Variants in MYO1C observed in about 807,000 individuals in gnomAD.
MYO1C encodes unconventional myosin-Ic.
Under a neutral mutation model 150.8 loss-of-function variants are expected in MYO1C, and 104 were observed. The observed-to-expected ratio is 0.69, with a 90% confidence interval of 0.59 to 0.81. The LOEUF (loss-of-function observed/expected upper bound fraction) is 0.81, where lower values mean the gene tolerates loss of function less well. Ranked by LOEUF, MYO1C falls within the 30% of genes least tolerant of loss-of-function variation. The probability of loss-of-function intolerance (pLI) is 0.00; values close to 1 mark genes in which losing one functional copy is unlikely to be tolerated. For synonymous variants in MYO1C, 663 were observed against 579.9 expected, an observed-to-expected ratio of 1.14 and a Z score of -2.06; for missense variants, 1,504 against 1,435.0, an observed-to-expected ratio of 1.05 and a Z score of -0.78.
At position 1,469,589 on chromosome 17, in the gene MYO1C, CA is replaced by C; in HGVS notation, c.2551del (p.Cys851AlafsTer2). On this transcript the variant is annotated frameshift_variant, in exon 25 of 32. Coordinates refer to ENST00000648651, the MANE Select transcript of MYO1C (RefSeq NM_001080779.2). LOFTEE classifies it high-confidence loss of function. Reference sequence around the variant, plus strand: ...GTATTTCCACACCATGTTCTTTATGCACAACTCCCGCAGAAGCTCTGAGGCC... The same window carrying C: ...GTATTTCCACACCATGTTCTTTATGCCAACTCCCGCAGAAGCTCTGAGGCC... ...REASELLREL[C>X]IKNMVWKYCR... 6.2e-7 allele frequency: 1 copy of C among 1,613,068 alleles called. No homozygotes were observed. Among genetic ancestry groups the C allele is most frequent in the Non-Finnish European group, 8.5e-7 (1 of 1,179,638 alleles).
intron 19 of MYO1C, among the ~76,000 whole-genome samples, 192 bp downstream of exon 19, chr17:1,471,715 G>A (rs2074306941): frequency 6.6e-6 from 1 of 152,154 alleles, no homozygotes; most frequent in South Asian, 2.1e-4. Context: ...CACGGCCTGG[G>A]GGAGCCGGGT....
intron 17 of MYO1C, among the ~76,000 whole-genome samples, chr17:1,472,800 AAGG>A (rs771896923): frequency 5.9e-5 from 9 of 152,118 alleles, no homozygotes; most frequent in Admixed American, 3.9e-4. Context: ...TTTAAAGGAT[AAGG>A]AGGAGGGGCG....
Position 1,467,585 on chromosome 17 carries a change from G to C in MYO1C, c.2968-8C>G. ...CTGCAGCACCACATCTCCCTGGGGG[G>C]CCAGGCAGGAGGAGGGGTCAGGCCC... is the stretch of plus-strand genomic sequence containing the variant. On this transcript the variant is annotated splice_region_variant and splice_polypyrimidine_tract_variant and intron_variant, in intron 29 of 31. Transcript: ENST00000648651. 1 of 1,612,162 alleles carries C rather than the reference G, an allele frequency of 6.2e-7. No individual in the cohort carries two copies. The highest frequency in any genetic ancestry group is 8.5e-7 in the Non-Finnish European group (1 of 1,179,796).
At chr17:1,474,070 C>T (rs1343498319) in intron 17 of MYO1C, among the ~76,000 whole-genome samples, 4 of 152,036 alleles carry the variant, frequency 2.6e-5, no homozygotes, top group Non-Finnish European at 4.4e-5. Context: ...CAAGGATTCC[C>T]CTACAGACAC....
At chr17:1,474,774 T>TCCCCAC in intron 16 of MYO1C, 38 bp downstream of exon 16, 1 of 1,597,382 alleles carries the variant, frequency 6.3e-7, no homozygotes, top group Non-Finnish European at 8.6e-7. Context: ...CTGTGGGCTA[T>TCCCCAC]CCCCACCCCC....
rs2001788 is a variant in MYO1C at position 1,480,380 on chromosome 17, G to A, written c.906+147C>T. 229 of 710,902 alleles carry A rather than the reference G, an allele frequency of 3.2e-4. No individual in the cohort carries two copies. In the East Asian group the frequency reaches 5.1e-3, roughly 16 times the overall value. 44.0% of individuals were successfully genotyped at this position (710,902 alleles called of 1,614,324 possible). ...GGAGAATTGCTTGAACCCAGGAGGC[G>A]GAGGTTGCAGTGAGCTGAGATTGCA... On this transcript the variant is annotated intron_variant, in intron 7 of 31. Coordinates refer to ENST00000648651, the MANE Select transcript of MYO1C (RefSeq NM_001080779.2).
chr17:1,478,592 G>C lies in MYO1C; in HGVS notation c.1212+24C>G. 6.2e-7 allele frequency: 1 copy of C among 1,613,952 alleles called. No individual in the cohort carries two copies. Among genetic ancestry groups the C allele is most frequent in the Middle Eastern group, 1.6e-4 (1 of 6,062 alleles). ...CCGACGGCCCTCCCTTCTGCCTTGG[G>C]AGCAGTGTGGACCGAGCCCTCACCT... On this transcript the variant is annotated intron_variant, in intron 10 of 31. Coordinates refer to ENST00000648651, the MANE Select transcript of MYO1C (RefSeq NM_001080779.2). The surrounding 1 kb of genome is among the most constrained non-coding windows in gnomAD (Gnocchi z 6.3).
chr17:1,471,842 A>G (rs1238511831), intron 19 of MYO1C, 65 bp downstream of exon 19: 31 of 1,531,488 alleles, frequency 2.0e-5, no homozygotes. Context: ...GTCTGCCCTC[A>G]TGGGACCTAG....
At chr17:1,473,201 A>G (rs187418876) in intron 17 of MYO1C, among the ~76,000 whole-genome samples, 41 of 150,924 alleles carry the variant, frequency 2.7e-4, no homozygotes, top group African/African-American at 9.6e-4. Flanking sequence ...CTCCGTCTCA[A>G]AAACAAAAAC....
intron 1 of MYO1C, chr17:1,491,726 C>G (rs963370299): frequency 3.6e-6 from 3 of 841,690 alleles, no homozygotes; most frequent in Non-Finnish European, 4.3e-6. Flanking sequence ...GTCGTCATCC[C>G]GGGCAGGGCC....
chr17:1,475,069 G>A (rs368697108), intron 14 of MYO1C, 37 bp from the exon 15 acceptor site: 170 of 1,544,642 alleles, frequency 1.1e-4, no homozygotes, highest in Middle Eastern at 2.1e-4. Flanking sequence ...GATGGCTGCC[G>A]GCCTGAGCCA....
In MYO1C at chr17:1,477,938, T is replaced by C. The variant is rs1347716261; in HGVS notation, c.1435A>G (p.Ile479Val). 1 of 1,614,124 alleles carries C rather than the reference T, an allele frequency of 6.2e-7. No individual in the cohort carries two copies. The highest frequency in any genetic ancestry group is 1.1e-5 in the South Asian group (1 of 91,086). ...EPVQYFNNKIICDLVEEKFKG... is the reference protein window; with the variant it reads ...EPVQYFNNKIVCDLVEEKFKG... ...AACTTCTCCTCCACCAGATCACAGA[T>C]GATTTTGTTGTTGAAATACTGGACG... Residue 479 changes from isoleucine (I) to valine (V), a missense_variant, in exon 13 of 32, where the codon ATC becomes GTC. Physicochemically the swap from Ile to Val is conservative, Grantham distance 29. Transcript: ENST00000648651.
At position 1,471,887 on chromosome 17, in the gene MYO1C, C is replaced by T. The variant is rs554006483; in HGVS notation, c.2021+20G>A. 87 of 1,611,510 alleles carry T rather than the reference C, an allele frequency of 5.4e-5. No homozygotes were observed. The East Asian group carries it at 1.2e-3, about 22-fold the overall frequency. On this transcript the variant is annotated intron_variant, in intron 19 of 31. Coordinates refer to ENST00000648651, the MANE Select transcript of MYO1C (RefSeq NM_001080779.2). ...CCCTCCCGCTCCCCTTCCCTGGCAC[C>T]GAGCAGGACCTGCCCCCACCTTTGC...
At chr17:1,475,365 G>A (rs552827409) in intron 14 of MYO1C, among the ~76,000 whole-genome samples, 1 of 152,170 alleles carries the variant, frequency 6.6e-6, no homozygotes, top group East Asian at 1.9e-4. Context: ...GTTGCAGTGA[G>A]CCGAGATGGT....
intron 1 of MYO1C, among the ~76,000 whole-genome samples, chr17:1,490,372 C>T (rs945491212): frequency 6.6e-6 from 1 of 152,100 alleles, no homozygotes; most frequent in Non-Finnish European, 1.5e-5. Flanking sequence ...GTGGCACACA[C>T]CTGTAATCCC....
rs958609717 is a variant in MYO1C, at chr17:1,465,694, T to C, written c.*32A>G. ...GGGGAGGAGGAGAAAAGCAAAGCAT[T>C]GGGCGTTGGGAGGGTCCAGTGGGCG... On this transcript the variant is annotated 3_prime_UTR_variant, in exon 32 of 32. Transcript: ENST00000648651. 6.8e-6 allele frequency: 9 copies of C among 1,329,960 alleles called. No individual in the cohort carries two copies. The highest frequency in any genetic ancestry group is 8.7e-6 in the Non-Finnish European group (9 of 1,030,084). The allele number at this position is 1,329,960 out of a possible 1,614,324, so 82.4% of individuals were successfully genotyped here. A position where few individuals can be genotyped will look rare whatever the true frequency, so the allele number is the denominator to read the frequency against.
rs902096293 is a variant in MYO1C at position 1,492,621 on chromosome 17, C to T, written c.-134G>A. 1 of 797,518 alleles carries T rather than the reference C, an allele frequency of 1.3e-6. No individual in the cohort carries two copies. The highest frequency in any genetic ancestry group is 2.7e-5 in the East Asian group (1 of 37,314). The allele number at this position is 797,518 out of a possible 1,614,324, so 49.4% of individuals were successfully genotyped here. ...CCGGGATGGCCACTTGGTTCTGCTT[C>T]AACTGCAGCCCCAGGGGATGTGGCT... is the stretch of plus-strand genomic sequence containing the variant. On this transcript the variant is annotated 5_prime_UTR_variant, in exon 1 of 32. Coordinates refer to ENST00000648651, the MANE Select transcript of MYO1C (RefSeq NM_001080779.2).
intron 17 of MYO1C, among the ~76,000 whole-genome samples, chr17:1,473,008 C>CT (rs2074335372): frequency 6.6e-6 from 1 of 152,126 alleles, no homozygotes; most frequent in Non-Finnish European, 1.5e-5. Context: ...TAAGACTAGC[C>CT]TGGCCAACAT....
intron 1 of MYO1C, 191 bp from the exon 2 acceptor site, chr17:1,484,494 C>A (rs2074610468): frequency 1.5e-6 from 1 of 678,080 alleles, no homozygotes. Flanking sequence ...TGCGGAAAGC[C>A]GGGTGTGGAG....
Sources: gnomAD v4.1 joint callset for allele counts (sites outside exome capture counted in the v4.1 genomes callset) on GRCh38, gnomAD v4.1.1 for gene constraint, Gnocchi (gnomAD v3.1) non-coding constraint, MANE v1.5 for transcripts, NCBI Gene and HGNC (gene_info 2026-07-23, HGNC 2026-07-21) for gene names.